Variants in LINGO2 observed in about 807,000 individuals in gnomAD.
LINGO2 encodes leucine-rich repeat and immunoglobulin-like domain-containing nogo receptor-interacting protein 2.
LINGO2 carries 14 observed loss-of-function variants against 30.6 expected under a neutral mutation model. The ratio of observed to expected loss-of-function variants is 0.46; its 90% CI spans 0.30 to 0.72. The LOEUF is 0.72. Among genes scored for constraint, LINGO2 ranks in the 30% least tolerant of loss-of-function variants. The pLI, the probability that LINGO2 is intolerant of heterozygous loss-of-function variation, is 0.07. For synonymous variants in LINGO2, 317 were observed against 288.5 expected, an observed-to-expected ratio of 1.10 and a Z score of -1.00; for missense variants, 729 against 751.7, an observed-to-expected ratio of 0.97 and a Z score of 0.35.
chr9:28,510,345 T>A (rs1184785801), intron 1 of LINGO2, among the ~76,000 whole-genome samples: 2 of 147,372 alleles, frequency 1.4e-5, no homozygotes, highest in African/African-American at 4.9e-5. Flanking sequence ...ATATTTTGTA[T>A]GTTATATGTA....
chr9:29,178,018 T>C, the LINGO2 span, among the ~76,000 whole-genome samples: 2 of 151,906 alleles, frequency 1.3e-5, no homozygotes, highest in African/African-American at 4.8e-5. Flanking sequence ...ATTTTTTTTT[T>C]CTCTGCTCCT....
At chr9:28,923,291 C>CA in the LINGO2 span, among the ~76,000 whole-genome samples, 1 of 152,156 alleles carries the variant, frequency 6.6e-6, no homozygotes, top group Non-Finnish European at 1.5e-5. Flanking sequence ...AATGAGTACT[C>CA]AAGTCAGCTC....
chr9:28,182,251 G>C (rs1819373163), intron 4 of LINGO2, among the ~76,000 whole-genome samples: 1 of 152,148 alleles, frequency 6.6e-6, no homozygotes, highest in Non-Finnish European at 1.5e-5. Flanking sequence ...TGGGAAAACT[G>C]ACTAGCCATA....
chr9:28,921,388 A>C, the LINGO2 span, among the ~76,000 whole-genome samples: 2 of 152,274 alleles, frequency 1.3e-5, no homozygotes, highest in African/African-American at 4.8e-5. Context: ...TCGTAGGACC[A>C]ATCAGAGTCT....
rs554046596 is a variant in LINGO2 at position 28,023,915 on chromosome 9, G to C, written c.-86-11510C>G. Among the ~76,000 whole-genome samples the C allele has an allele frequency of 6.6e-5, 10 of 152,182 alleles. No homozygotes were observed. In the South Asian group the frequency reaches 2.1e-3, roughly 32 times the overall value. The stretch of plus-strand genomic sequence containing the variant: ...ACAATCCATCAAATCTACCACTGAA[G>C]TTTTTCTACCCATTTATGGTTCCAG... On this transcript the variant is annotated intron_variant, in intron 4 of 5. Coordinates refer to ENST00000379992, the Ensembl canonical transcript of LINGO2.
the LINGO2 span, among the ~76,000 whole-genome samples, chr9:28,951,047 T>C: frequency 3.7e-3 from 560 of 152,208 alleles, 4 homozygotes; most frequent in African/African-American, 0.012. Context: ...AACAGATATA[T>C]AGACCAATGA....
chr9:28,765,686 A>G, the LINGO2 span, among the ~76,000 whole-genome samples: 1 of 151,952 alleles, frequency 6.6e-6, no homozygotes, highest in African/African-American at 2.4e-5. Context: ...GGTGGCAGAA[A>G]ATTTCTCACC....
At chr9:28,414,530 T>G (rs1822895324) in intron 2 of LINGO2, among the ~76,000 whole-genome samples, 1 of 152,028 alleles carries the variant, frequency 6.6e-6, no homozygotes, top group African/African-American at 2.4e-5. Flanking sequence ...AGAAGGAGAT[T>G]AGAGAAAATA....
intron 1 of LINGO2, among the ~76,000 whole-genome samples, chr9:28,511,763 C>T (rs1289247402): frequency 6.6e-6 from 1 of 152,178 alleles, no homozygotes; most frequent in Non-Finnish European, 1.5e-5. Context: ...ACAGCCCATG[C>T]ATCAGTATAG....
At chr9:28,099,516 A>C (rs143350991) in intron 4 of LINGO2, among the ~76,000 whole-genome samples, 48 of 152,174 alleles carry the variant, frequency 3.2e-4, no homozygotes, top group African/African-American at 1.1e-3. Flanking sequence ...TGACTTAGCC[A>C]TTGGGATAAA....
At chr9:28,416,876 T>G (rs1192463487) in intron 2 of LINGO2, among the ~76,000 whole-genome samples, 1 of 152,168 alleles carries the variant, frequency 6.6e-6, no homozygotes, top group Non-Finnish European at 1.5e-5. Context: ...ACATTTTCCT[T>G]CCATACCTAC....
chr9:28,952,533 C>T, the LINGO2 span, among the ~76,000 whole-genome samples: 2 of 152,046 alleles, frequency 1.3e-5, no homozygotes, highest in Non-Finnish European at 2.9e-5. Context: ...ACTTGTTTGC[C>T]CACTAAAATG....
intron 1 of LINGO2, among the ~76,000 whole-genome samples, chr9:28,636,431 G>C (rs993571110): frequency 5.9e-5 from 9 of 152,152 alleles, no homozygotes; most frequent in Non-Finnish European, 1.2e-4. Flanking sequence ...CTAGTTTATA[G>C]TCCCACCAAC....
intron 3 of LINGO2, among the ~76,000 whole-genome samples, chr9:28,337,991 G>A (rs1953004): frequency 6.6e-6 from 1 of 151,982 alleles, no homozygotes; most frequent in African/African-American, 2.4e-5. Context: ...AGCCACTATC[G>A]TCCAGACCCC....
chr9:29,182,745 G>C, the LINGO2 span, among the ~76,000 whole-genome samples: 3 of 150,446 alleles, frequency 2.0e-5, no homozygotes, highest in Non-Finnish European at 4.4e-5. Flanking sequence ...TCTGTGACTC[G>C]CTCATCGATA....
intron 4 of LINGO2, among the ~76,000 whole-genome samples, chr9:28,281,357 G>A (rs1018123167): frequency 1.3e-5 from 2 of 152,094 alleles, no homozygotes; most frequent in Admixed American, 1.3e-4. Flanking sequence ...GGAGAAAGAA[G>A]TTGCATATCA....
chr9:28,236,865 G>T (rs181193895), intron 4 of LINGO2, among the ~76,000 whole-genome samples: 4 of 152,136 alleles, frequency 2.6e-5, no homozygotes, highest in Non-Finnish European at 5.9e-5. Flanking sequence ...TAATTTAATT[G>T]TGCATATTAA....
chr9:29,111,508 C>A, the LINGO2 span, among the ~76,000 whole-genome samples: 24,178 of 151,762 alleles, frequency 0.16, 2,048 homozygotes, highest in East Asian at 0.34. Flanking sequence ...TATACACACA[C>A]ATATATACAT....
At chr9:28,203,904 C>T (rs752548709) in intron 4 of LINGO2, among the ~76,000 whole-genome samples, 5 of 152,146 alleles carry the variant, frequency 3.3e-5, no homozygotes, top group Non-Finnish European at 5.9e-5. Flanking sequence ...TGGGAAACAA[C>T]AGGCTAAGAA....
Sources: gnomAD v4.1 joint callset for allele counts (sites outside exome capture counted in the v4.1 genomes callset) on GRCh38, gnomAD v4.1.1 for gene constraint, MANE v1.5 for transcripts, NCBI Gene and HGNC (gene_info 2026-07-23, HGNC 2026-07-21) for gene names.